Variants in TMEM17 observed in about 807,000 individuals in gnomAD.
The protein encoded by TMEM17 is transmembrane protein 17.
TMEM17 carries 15 observed loss-of-function variants against 19.1 expected under a neutral mutation model. The observed-to-expected ratio is 0.78, with a 90% CI of 0.52 to 1.21. TMEM17 has a LOEUF of 1.21. Among genes scored for constraint, TMEM17 ranks in the 50% most tolerant of loss-of-function variants. TMEM17 has a pLI of 0.00. For synonymous variants in TMEM17, 103 were observed against 86.9 expected (o/e 1.19, Z -1.03); for missense variants, 245 against 242.3 (o/e 1.01, Z -0.07).
At chr2:62,473,980 A>G in the TMEM17 span, among the ~76,000 whole-genome samples, 8 of 152,150 alleles carry the variant, frequency 5.3e-5, no homozygotes, top group Non-Finnish European at 7.4e-5. Flanking sequence ...GACTCTGCAC[A>G]GCCACAGGAC....
chr2:62,467,118 C>T, the TMEM17 span, among the ~76,000 whole-genome samples: 5 of 151,788 alleles, frequency 3.3e-5, no homozygotes, highest in Non-Finnish European at 5.9e-5. Context: ...TGGAATGACC[C>T]CACCCTCTTA....
At chr2:62,470,828 T>C in the TMEM17 span, among the ~76,000 whole-genome samples, 1 of 152,210 alleles carries the variant, frequency 6.6e-6, no homozygotes, top group South Asian at 2.1e-4. Flanking sequence ...TCATTTTCTC[T>C]CAGGAGGAAC....
chr2:62,501,626 T>C, intron 3 of TMEM17, 139 bp from the exon 4 acceptor site: 2 of 822,580 alleles, frequency 2.4e-6, no homozygotes, highest in Non-Finnish European at 3.7e-6. Context: ...ACATGGTCCT[T>C]GTCCTCAGAG....
At chr2:62,456,295 C>T in the TMEM17 span, among the ~76,000 whole-genome samples, 1 of 152,230 alleles carries the variant, frequency 6.6e-6, no homozygotes, top group Non-Finnish European at 1.5e-5. Flanking sequence ...CCTGCAGGGG[C>T]TCTACATTTC....
chr2:62,494,160 C>A, the TMEM17 span, among the ~76,000 whole-genome samples: 1 of 152,176 alleles, frequency 6.6e-6, no homozygotes, highest in Admixed American at 6.5e-5. Flanking sequence ...AGTGTCAAAG[C>A]ATAGTGGATG....
At chr2:62,491,901 A>G in the TMEM17 span, among the ~76,000 whole-genome samples, 1 of 151,682 alleles carries the variant, frequency 6.6e-6, no homozygotes. Context: ...TGAGTTAGTG[A>G]AATTCCAACC....
chr2:62,472,479 G>C, the TMEM17 span, among the ~76,000 whole-genome samples: 1 of 152,212 alleles, frequency 6.6e-6, no homozygotes, highest in African/African-American at 2.4e-5. Flanking sequence ...TCCCCTGTCT[G>C]TCTCCCAAAT....
chr2:62,506,081 C>G lies in TMEM17; in HGVS notation c.49G>C (p.Ala17Pro). 1 of 1,610,602 alleles carries G rather than the reference C, an allele frequency of 6.2e-7. No homozygotes were observed. Among genetic ancestry groups the G allele is most frequent in the East Asian group, 2.3e-5 (1 of 44,420 alleles). ...VRQRLGNFSR[A>P]VFSDSNRTGP... is the part of the protein sequence containing the mutation. ...GTCCGATTGGAATCACTGAACACGG[C>G]CCGGCTGAAGTTTCCCAGCCGCTGG... Residue 17 changes from alanine (A) to proline (P), a missense_variant, in exon 1 of 4, where the codon GCC becomes CCC. Ala to Pro is a conservative substitution (Grantham distance 27). Coordinates refer to ENST00000335390, the MANE Select transcript of TMEM17 (RefSeq NM_198276.3).
intron 1 of TMEM17, among the ~76,000 whole-genome samples, chr2:62,505,159 A>G (rs767138419): frequency 4.6e-5 from 7 of 152,182 alleles, no homozygotes; most frequent in Non-Finnish European, 1.0e-4. Context: ...AAAATTCTCT[A>G]AAACCAAGCA....
chr2:62,498,523 C>T (rs1336847251), downstream of TMEM17, among the ~76,000 whole-genome samples: 6 of 149,928 alleles, frequency 4.0e-5, no homozygotes, highest in African/African-American at 9.8e-5. Context: ...GAGACCATCC[C>T]GGCTAAAACG....
At chr2:62,494,031 T>A in the TMEM17 span, among the ~76,000 whole-genome samples, 2 of 152,226 alleles carry the variant, frequency 1.3e-5, no homozygotes, top group Non-Finnish European at 2.9e-5. Context: ...CCTATTTTCA[T>A]CTTTTACATA....
chr2:62,464,373 C>T, the TMEM17 span, among the ~76,000 whole-genome samples: 2 of 152,240 alleles, frequency 1.3e-5, no homozygotes, highest in Admixed American at 1.3e-4. Flanking sequence ...CTCGTGCACT[C>T]CAGTTCCCAC....
the TMEM17 span, chr2:62,491,198 C>T: frequency 0.05 from 7,627 of 152,224 alleles, 249 homozygotes; most frequent in South Asian, 0.092. Context: ...CTGGAGTGTG[C>T]CTGTAGTCCC....
Position 62,501,405 on chromosome 2 carries a change from A to AG in TMEM17, c.400dup (p.Leu134ProfsTer34). 1 of 1,614,246 alleles carries AG rather than the reference A, an allele frequency of 6.2e-7. No individual in the cohort carries two copies. Among genetic ancestry groups the AG allele is most frequent in the Non-Finnish European group, 8.5e-7 (1 of 1,180,032 alleles). ...CGCTTTTTCCAAGGGCAGATTTGTT[A>AG]GGCCTTCATTAAAGAGCAAGAAAAG... On this transcript the variant is annotated frameshift_variant, in exon 4 of 4. Transcript: ENST00000335390. LOFTEE classifies it high-confidence loss of function.
At chr2:62,460,905 A>G in the TMEM17 span, among the ~76,000 whole-genome samples, 5 of 152,300 alleles carry the variant, frequency 3.3e-5, no homozygotes, top group African/African-American at 1.2e-4. Context: ...TGTCTAGTGC[A>G]GGAGATGGAC....
At chr2:62,457,260 C>T in the TMEM17 span, among the ~76,000 whole-genome samples, 3 of 152,242 alleles carry the variant, frequency 2.0e-5, no homozygotes, top group African/African-American at 7.2e-5. This position sits in a 1 kb window ranked among gnomAD's most constrained non-coding sequence, Gnocchi z 4.2. Flanking sequence ...TTGTGTCTTT[C>T]CACTTCTCCC....
the TMEM17 span, among the ~76,000 whole-genome samples, chr2:62,483,712 G>A: frequency 6.6e-6 from 1 of 150,800 alleles, no homozygotes; most frequent in African/African-American, 2.4e-5. Flanking sequence ...TAATTTTCCT[G>A]CCTCAGCCTC....
At chr2:62,456,603 GGGT>G in the TMEM17 span, among the ~76,000 whole-genome samples, 1 of 152,206 alleles carries the variant, frequency 6.6e-6, no homozygotes, top group South Asian at 2.1e-4. Context: ...CAGGTTCCAG[GGGT>G]TAGGACCTGG....
chr2:62,465,032 A>G, the TMEM17 span, among the ~76,000 whole-genome samples: 2 of 152,170 alleles, frequency 1.3e-5, no homozygotes, highest in Non-Finnish European at 2.9e-5. Flanking sequence ...TTAAGCCATA[A>G]TTTCTAATCT....
Sources: allele counts gnomAD v4.1 joint callset (sites outside exome capture counted in the v4.1 genomes callset), GRCh38; gene constraint gnomAD v4.1.1; non-coding constraint Gnocchi (gnomAD v3.1); transcripts MANE v1.5; gene names NCBI Gene and HGNC (gene_info 2026-07-23, HGNC 2026-07-21).